The following OLFM3 variants were observed in gnomAD, a reference collection of about 807,000 sequenced individuals.
OLFM3 encodes the protein noelin-3.
Under a neutral mutation model 48.6 loss-of-function variants are expected in OLFM3, and 20 were observed. The ratio of observed to expected loss-of-function variants is 0.41; its 90% CI spans 0.29 to 0.60. The LOEUF is 0.60. Ranked by LOEUF, OLFM3 falls within the 20% of genes least tolerant of loss-of-function variation. The probability of loss-of-function intolerance (pLI) is 0.28; values close to 1 mark genes in which losing one functional copy is unlikely to be tolerated. For missense variants in OLFM3, 437 were observed against 544.3 expected (o/e 0.80, Z 1.96); for synonymous variants, 222 against 198.1 (o/e 1.12, Z -1.01).
At chr1:101,819,774 A>G (rs906424900) in intron 4 of OLFM3, among the ~76,000 whole-genome samples, 1 of 152,072 alleles carries the variant, frequency 6.6e-6, no homozygotes, top group Admixed American at 6.6e-5. Flanking sequence ...CAGTCTTTGA[A>G]CTCAGAAGGA....
At chr1:101,986,529 A>G (rs1457560584) in intron 1 of OLFM3, among the ~76,000 whole-genome samples, 1 of 152,168 alleles carries the variant, frequency 6.6e-6, no homozygotes, top group Non-Finnish European at 1.5e-5. Flanking sequence ...CTGATTTGGT[A>G]TGATTTCTCT....
intron 1 of OLFM3, chr1:101,846,928 C>T (rs779156224): frequency 5.6e-6 from 9 of 1,612,638 alleles, no homozygotes; most frequent in Non-Finnish European, 7.6e-6. Flanking sequence ...GAGATCATTG[C>T]CATGGTACTA....
chr1:101,803,304 A>G lies in OLFM3; in HGVS notation c.*934T>C, dbSNP rs976587409. 2.0e-5 allele frequency: 3 copies of G among 152,132 alleles called. No homozygotes were observed. Among genetic ancestry groups the G allele is most frequent in the Non-Finnish European group, 4.4e-5 (3 of 67,784 alleles). 9.4% of individuals were successfully genotyped at this position (152,132 alleles called of 1,614,324 possible). Reference sequence around the variant, plus strand: ...AACAAAATTTCTTTAGTGTATAATAAATGAGTAGAGTCAACTCAAATCCAA... The same window carrying G: ...AACAAAATTTCTTTAGTGTATAATAGATGAGTAGAGTCAACTCAAATCCAA... On this transcript the variant is annotated 3_prime_UTR_variant, in exon 6 of 6. Transcript: ENST00000370103.
At chr1:101,922,980 A>G (rs574879232) in intron 1 of OLFM3, among the ~76,000 whole-genome samples, 8 of 152,192 alleles carry the variant, frequency 5.3e-5, no homozygotes, top group Non-Finnish European at 1.2e-4. Context: ...ATTTCTCCCA[A>G]TATAAAGATA....
At chr1:101,911,759 CA>C (rs1186856000) in intron 1 of OLFM3, among the ~76,000 whole-genome samples, 3 of 152,138 alleles carry the variant, frequency 2.0e-5, no homozygotes, top group Non-Finnish European at 4.4e-5. Context: ...AAGCTACCAC[CA>C]AACCACCAGT....
chr1:101,862,993 G>GTT (rs5776596), intron 1 of OLFM3, among the ~76,000 whole-genome samples: 58 of 142,492 alleles, frequency 4.1e-4, no homozygotes, highest in Non-Finnish European at 7.7e-4. Context: ...TATGTAATTA[G>GTT]TTTTTTTTTT....
chr1:101,868,955 GA>G (rs1319873106), intron 1 of OLFM3, among the ~76,000 whole-genome samples: 1 of 152,230 alleles, frequency 6.6e-6, no homozygotes, highest in East Asian at 1.9e-4. Context: ...TGAGGTTTGG[GA>G]ACCCCTACCT....
intron 1 of OLFM3, among the ~76,000 whole-genome samples, chr1:101,938,743 C>T (rs1411007554): frequency 6.6e-6 from 1 of 152,210 alleles, no homozygotes; most frequent in Non-Finnish European, 1.5e-5. Context: ...CCCACTCCCT[C>T]AGTTTCTTAC....
chr1:101,867,853 G>A (rs938891210), intron 1 of OLFM3, among the ~76,000 whole-genome samples: 4 of 152,114 alleles, frequency 2.6e-5, no homozygotes, highest in South Asian at 2.1e-4. Context: ...CCTATGTGTC[G>A]TGGGAGGGAC....
intron 1 of OLFM3, among the ~76,000 whole-genome samples, chr1:101,918,986 T>C (rs1189174506): frequency 1.3e-5 from 2 of 152,218 alleles, no homozygotes; most frequent in Non-Finnish European, 2.9e-5. Context: ...AATCTATTGA[T>C]AATGCATAGA....
Position 101,804,328 on chromosome 1 carries a change from T to C in OLFM3, c.1287A>G (p.Arg429=), listed in dbSNP as rs1353048572. ...FHISMLDYNA[R]DRALYAWNNG... ...TGTTCCAGGCATAGAGAGCTCGATCTCTTGCATTGTAGTCAAGCATGGATA... is the reference window on the plus strand; with the variant it reads ...TGTTCCAGGCATAGAGAGCTCGATCCCTTGCATTGTAGTCAAGCATGGATA... Residue 429 remains arginine, a synonymous_variant, in exon 6 of 6, where the codon AGA becomes AGG. Transcript: ENST00000370103. This position sits in a 1 kb window ranked among gnomAD's most constrained non-coding sequence, Gnocchi z 4.5. 1.4e-5 allele frequency: 22 copies of C among 1,612,288 alleles called. No homozygotes were observed. Among genetic ancestry groups the C allele is most frequent in the Non-Finnish European group, 1.8e-5 (21 of 1,178,876 alleles).
Position 101,804,777 on chromosome 1 carries a change from C to T in OLFM3, c.838G>A (p.Gly280Ser). The change falls in exon 6 of 6, where the codon GGC (glycine) becomes AGC (serine). Residue 280 changes from glycine (G) to serine (S), a missense_variant. This residue lies in a region of OLFM3 where 314 missense variants were observed against 365.5 expected (regional missense o/e 0.86). Transcript: ENST00000370103. The surrounding 1 kb of genome is among the most constrained non-coding windows in gnomAD (Gnocchi z 4.5). The part of the protein sequence containing the change: ...WAGTNHVVYN[G>S]SLYFNKYQSN... ...TGATACTTGTTAAAATAGAGTGAGC[C>T]ATTGTAGACAACATGGTTAGTTCCT... 1 of 1,612,576 alleles carries T rather than the reference C, an allele frequency of 6.2e-7. No individual in the cohort carries two copies. Among genetic ancestry groups the T allele is most frequent in the Non-Finnish European group, 8.5e-7 (1 of 1,179,110 alleles).
At chr1:101,887,974 T>C (rs913496900) in intron 1 of OLFM3, among the ~76,000 whole-genome samples, 3 of 152,114 alleles carry the variant, frequency 2.0e-5, no homozygotes, top group Non-Finnish European at 4.4e-5. Context: ...GCTATTAACA[T>C]GTGTGTTTCA....
At chr1:101,953,478 C>A (rs889494960) in intron 1 of OLFM3, among the ~76,000 whole-genome samples, 3 of 152,166 alleles carry the variant, frequency 2.0e-5, no homozygotes, top group Admixed American at 1.3e-4. Context: ...ATTTTAAAGA[C>A]TCCTACACTA....
At chr1:101,911,594 A>C (rs906531192) in intron 1 of OLFM3, among the ~76,000 whole-genome samples, 1 of 152,322 alleles carries the variant, frequency 6.6e-6, no homozygotes, top group Admixed American at 6.5e-5. Context: ...ACCTCGCAAC[A>C]GTCCCCAAGA....
chr1:101,853,033 CCAA>C (rs1656283397), intron 1 of OLFM3, among the ~76,000 whole-genome samples: 1 of 152,072 alleles, frequency 6.6e-6, no homozygotes, highest in African/African-American at 2.4e-5. Context: ...CTGCTGCACA[CCAA>C]CATTATCTTC....
intron 4 of OLFM3, among the ~76,000 whole-genome samples, chr1:101,821,092 C>G (rs1178244948): frequency 6.6e-6 from 1 of 152,018 alleles, no homozygotes; most frequent in Admixed American, 6.6e-5. Flanking sequence ...GTTAATGGTC[C>G]TGATGTTAAC....
chr1:101,931,776 A>G (rs953091012), intron 1 of OLFM3, among the ~76,000 whole-genome samples: 1 of 152,182 alleles, frequency 6.6e-6, no homozygotes, highest in Non-Finnish European at 1.5e-5. Context: ...ATAACTGGCA[A>G]TCCACTGGGG....
intron 1 of OLFM3, among the ~76,000 whole-genome samples, chr1:101,840,615 C>T (rs573054150): frequency 6.6e-6 from 1 of 152,014 alleles, no homozygotes; most frequent in South Asian, 2.1e-4. Context: ...AGACTGTAGG[C>T]ACACACAATC....
Sources: allele counts gnomAD v4.1 joint callset (sites outside exome capture counted in the v4.1 genomes callset), GRCh38; gene constraint gnomAD v4.1.1; regional missense constraint gnomAD v4.1.1; non-coding constraint Gnocchi (gnomAD v3.1); transcripts MANE v1.5; gene names NCBI Gene and HGNC (gene_info 2026-07-23, HGNC 2026-07-21).